The following ZNF850 variants were observed in gnomAD, a reference collection of about 807,000 sequenced individuals.
ZNF850 encodes the protein putative zinc finger protein ENSP00000330994.
Under a neutral mutation model 11.9 loss-of-function variants are expected in ZNF850, and 2 were observed. The observed-to-expected ratio is 0.17, with a 90% CI of 0.07 to 0.53. The LOEUF is 0.53. Among genes scored for constraint, ZNF850 ranks in the 20% least tolerant of loss-of-function variants. The pLI is 0.94. For synonymous variants in ZNF850, 381 were observed against 443.0 expected (o/e 0.86, Z 1.76); for missense variants, 1,014 against 1,316.4 (o/e 0.77, Z 3.55).
At chr19:36,769,567 T>C (rs935242089) in intron 1 of ZNF850, among the ~76,000 whole-genome samples, 2 of 152,028 alleles carry the variant, frequency 1.3e-5, no homozygotes, top group African/African-American at 4.8e-5. Flanking sequence ...GCCACTGCAC[T>C]CCAGCCTGGG....
chr19:36,747,664 GA>G lies in ZNF850; in HGVS notation c.*102del. 2 of 1,210,126 alleles carry G rather than the reference GA, an allele frequency of 1.7e-6. No individual in the cohort carries two copies. The highest frequency in any genetic ancestry group is 2.2e-6 in the Non-Finnish European group (2 of 911,770). 75.0% of individuals were successfully genotyped at this position (1,210,126 alleles called of 1,614,324 possible). On this transcript the variant is annotated 3_prime_UTR_variant, in exon 5 of 5. Transcript: ENST00000591344. ...AAAAAAAAAAAAAGTCGTAATTCTG[GA>G]AAAAGTGAATATGAAGTAATACACA...
chr19:36,749,111 T>C lies in ZNF850; in HGVS notation c.1929A>G (p.Lys643=). 1.2e-6 allele frequency: 2 copies of C among 1,602,942 alleles called. No individual in the cohort carries two copies. The highest frequency in any genetic ancestry group is 1.7e-6 in the Non-Finnish European group (2 of 1,176,214). ...TCCCACATTCCTGACATTGATAAGG[T>C]TTCTCACCAGTATGGATTTGTTGAT... ...TQHQQIHTGE[K]PYQCQECGKA... Residue 643 remains lysine (K), a synonymous_variant, in exon 5 of 5, where the codon AAA becomes AAG. Coordinates refer to ENST00000591344, the MANE Select transcript of ZNF850 (RefSeq NM_001193552.2).
At chr19:36,765,772 T>C (rs1413277499) in intron 1 of ZNF850, among the ~76,000 whole-genome samples, 4 of 151,874 alleles carry the variant, frequency 2.6e-5, no homozygotes, top group Non-Finnish European at 5.9e-5. Flanking sequence ...TTAGTAGAGA[T>C]GGGGTTTCTC....
chr19:36,748,686 T>C lies in ZNF850; in HGVS notation c.2354A>G (p.Tyr785Cys), dbSNP rs754963697. 5 of 1,538,066 alleles carry C rather than the reference T, an allele frequency of 3.3e-6. No homozygotes were observed. Among genetic ancestry groups the C allele is most frequent in the South Asian group, 1.2e-5 (1 of 84,076 alleles). ...AGATTTCCCACATTCCTTACAATCA[T>C]AGAGCTTCTCACCAGTGTGTATTTG... Reference protein sequence around the residue: ...HQQIHTGEKLYDCKECGKSFT... With the variant: ...HQQIHTGEKLCDCKECGKSFT... The change falls in exon 5 of 5, where the codon TAT becomes TGT. Residue 785 changes from tyrosine to cysteine, a missense_variant. Physicochemically the swap from Tyr to Cys is radical, Grantham distance 194. Transcript: ENST00000591344.
Position 36,749,845 on chromosome 19 carries a change from C to G in ZNF850, c.1195G>C (p.Gly399Arg). The change falls in exon 5 of 5, where the codon GGG becomes CGG. Residue 399 changes from glycine to arginine, a missense_variant. By Grantham distance (125) the Gly-to-Arg change is moderately radical (BLOSUM62 -2). Transcript: ENST00000591344. ...CCTGAGCGAAAAGTAAAAGATTTCCCACATTCCTTACAATCATAGGGTTTC... is the reference window on the plus strand; with the variant it reads ...CCTGAGCGAAAAGTAAAAGATTTCCGACATTCCTTACAATCATAGGGTTTC... ...GEKPYDCKEC[G>R]KSFTFRSGLI... The G allele has an allele frequency of 6.3e-7, 1 of 1,576,038 alleles. No individual in the cohort carries two copies. Among genetic ancestry groups the G allele is most frequent in the East Asian group, 2.3e-5 (1 of 43,002 alleles).
Position 36,748,104 on chromosome 19 carries a change from C to G in ZNF850, c.2936G>C (p.Arg979Thr). Reference protein sequence around the residue: ...TLHQRIHTGDRPYECKECGKS... With the variant: ...TLHQRIHTGDTPYECKECGKS... ...CCCACATTCTTTACATTCATAAGGT[C>G]TGTCACCGGTATGAATTCTCTGATG... The change falls in exon 5 of 5, where the codon AGA becomes ACA. Residue 979 changes from arginine to threonine, a missense_variant. This residue lies in a region of ZNF850 where 179 missense variants were observed against 294.4 expected (regional missense o/e 0.61). Transcript: ENST00000591344. The G allele has an allele frequency of 6.5e-7, 1 of 1,548,276 alleles. No homozygotes were observed. Among genetic ancestry groups the G allele is most frequent in the South Asian group, 1.2e-5 (1 of 84,498 alleles).
intron 1 of ZNF850, among the ~76,000 whole-genome samples, chr19:36,763,049 T>A (rs1189879533): frequency 6.6e-6 from 1 of 151,988 alleles, no homozygotes; most frequent in Admixed American, 6.6e-5. Context: ...CACCACCATG[T>A]CCAGCTAATT....
At chr19:36,770,437 G>A (rs573248630) in intron 1 of ZNF850, among the ~76,000 whole-genome samples, 1 of 152,072 alleles carries the variant, frequency 6.6e-6, no homozygotes, top group Admixed American at 6.5e-5. Flanking sequence ...AGTGGCTCAC[G>A]CCGGTAATCC....
At chr19:36,754,328 A>G (rs532375155) in intron 4 of ZNF850, among the ~76,000 whole-genome samples, 1 of 152,300 alleles carries the variant, frequency 6.6e-6, no homozygotes, top group South Asian at 2.1e-4. Flanking sequence ...TCAGGCAAGT[A>G]TTCATGAATA....
chr19:36,766,008 C>G (rs1237934920), intron 1 of ZNF850, among the ~76,000 whole-genome samples: 1 of 152,078 alleles, frequency 6.6e-6, no homozygotes, highest in Non-Finnish European at 1.5e-5. Flanking sequence ...TGTGCCTCAG[C>G]CATCAAAGTA....
Position 36,747,836 on chromosome 19 carries a change from C to T in ZNF850, c.3204G>A (p.Lys1068=), listed in dbSNP as rs141329339. The change falls in exon 5 of 5, where the codon AAG becomes AAA. Residue 1068 remains lysine (K), a synonymous_variant. Coordinates refer to ENST00000591344, the MANE Select transcript of ZNF850 (RefSeq NM_001193552.2). ...VHTGEKPYEC[K]TCGKAFKQLT... ...GCTGTTTAAAGGCCTTCCCACATGT[C>T]TTACATTCATAGGGTTTCTCGCCAG... is the stretch of plus-strand genomic sequence containing the variant. 1 of 1,579,208 alleles carries T rather than the reference C, an allele frequency of 6.3e-7. No individual in the cohort carries two copies. Among genetic ancestry groups the T allele is most frequent in the African/African-American group, 1.3e-5 (1 of 74,190 alleles).
intron 3 of ZNF850, among the ~76,000 whole-genome samples, chr19:36,762,045 C>CA (rs374193379): frequency 0.51 from 58,237 of 113,994 alleles, 14,116 homozygotes; most frequent in Non-Finnish European, 0.59. Context: ...GACTTTGTCT[C>CA]AAAAAAAAAA....
chr19:36,757,384 T>C (rs1207903624), intron 4 of ZNF850, among the ~76,000 whole-genome samples: 1 of 149,694 alleles, frequency 6.7e-6, no homozygotes, highest in African/African-American at 2.5e-5. Flanking sequence ...ACCATAATTA[T>C]AAATAAATGA....
Position 36,750,057 on chromosome 19 carries a change from T to A in ZNF850, c.983A>T (p.Gln328Leu). ...CGGTTTCTCACCAGTGTGAATTTGC[T>A]GGTGTCGAATTAGTGTTGAGCCAAC... is the stretch of plus-strand genomic sequence containing the variant. ...FTVGSTLIRH[Q>L]QIHTGEKPYD... Residue 328 changes from glutamine to leucine, a missense_variant, in exon 5 of 5, where the codon CAG becomes CTG. Gln to Leu is a moderately radical substitution (Grantham distance 113, BLOSUM62 -2). Transcript: ENST00000591344. 1.3e-6 allele frequency: 2 copies of A among 1,540,430 alleles called. No homozygotes were observed. Among genetic ancestry groups the A allele is most frequent in the Non-Finnish European group, 1.7e-6 (2 of 1,147,324 alleles).
chr19:36,766,155 G>A (rs997986055), intron 1 of ZNF850, among the ~76,000 whole-genome samples: 1 of 152,122 alleles, frequency 6.6e-6, no homozygotes, highest in African/African-American at 2.4e-5. Context: ...GCCTCCCAAA[G>A]TGCTGGGATT....
chr19:36,769,560 A>T (rs1331692634), intron 1 of ZNF850, among the ~76,000 whole-genome samples: 3 of 152,172 alleles, frequency 2.0e-5, no homozygotes, highest in Non-Finnish European at 2.9e-5. Flanking sequence ...AGATCGTGCC[A>T]CTGCACTCCA....
In ZNF850 at chr19:36,750,485, T is replaced by G. The variant is rs942169887; in HGVS notation, c.555A>C (p.Thr185=). The G allele has an allele frequency of 1.3e-6, 2 of 1,536,254 alleles. No individual in the cohort carries two copies. Among genetic ancestry groups the G allele is most frequent in the African/African-American group, 2.7e-5 (2 of 73,066 alleles). Residue 185 remains threonine (T), a synonymous_variant, in exon 5 of 5, where the codon ACA becomes ACC. Transcript: ENST00000591344. ...CMAFKYGSEL[T]QQQETHTGEK... ...CACCAGTATGGGTTTCTTGCTGTTG[T>G]GTAAGTTCTGAGCCATACTTAAAAG...
rs2040427106 is a variant in ZNF850 at position 36,748,423 on chromosome 19, C to T, written c.2617G>A (p.Glu873Lys). Residue 873 changes from glutamate to lysine, a missense_variant, in exon 5 of 5, where the codon GAA becomes AAA. Physicochemically the swap from Glu to Lys is moderately conservative, Grantham distance 56. Around this residue, in one of 2 missense-constraint regions of ZNF850, gnomAD observed 179 missense variants for 294.4 expected, o/e 0.61. Transcript: ENST00000591344. ...CGAAAAGCAAAAGATTTTCCACATT[C>T]CTTACAATGATAGGGTTTCTCACCA... is the stretch of plus-strand genomic sequence containing the variant. ...HTGEKPYHCK[E>K]CGKSFAFRSA... 1 of 1,562,010 alleles carries T rather than the reference C, an allele frequency of 6.4e-7. No homozygotes were observed. The highest frequency in any genetic ancestry group is 1.4e-5 in the African/African-American group (1 of 73,512).
At chr19:36,753,002 G>A (rs2040462346) in intron 4 of ZNF850, among the ~76,000 whole-genome samples, 1 of 152,102 alleles carries the variant, frequency 6.6e-6, no homozygotes. Context: ...AGGTGCGGTG[G>A]CACACGCCTG....
Sources: gnomAD v4.1 joint callset for allele counts (sites outside exome capture counted in the v4.1 genomes callset) on GRCh38, gnomAD v4.1.1 for gene constraint, gnomAD v4.1.1 regional missense constraint, MANE v1.5 for transcripts, NCBI Gene and HGNC (gene_info 2026-07-23, HGNC 2026-07-21) for gene names.